Variants in C10orf90 observed in about 807,000 individuals in gnomAD.
The protein encoded by C10orf90 is (E2-independent) E3 ubiquitin-conjugating enzyme FATS.
C10orf90 carries 56 observed loss-of-function variants against 62.5 expected under a neutral mutation model. That is an observed-to-expected ratio of 0.90 (90% CI 0.72 to 1.12). C10orf90 has a LOEUF of 1.12. Ranked by LOEUF, C10orf90 falls within the 50% of genes most tolerant of loss-of-function variation. The pLI, the probability that C10orf90 is intolerant of heterozygous loss-of-function variation, is 0.00. For synonymous variants in C10orf90, 386 were observed against 340.4 expected (o/e 1.13, Z -1.47); for missense variants, 970 against 880.4 (o/e 1.10, Z -1.29).
rs375796318 is a variant in C10orf90, at chr10:126,459,072, T to C, written c.2156A>G (p.Lys719Arg). The C allele has an allele frequency of 1.2e-5, 20 of 1,613,558 alleles. No homozygotes were observed. In the African/African-American group the frequency reaches 2.5e-4, roughly 20 times the overall value. Residue 719 changes from lysine (K) to arginine (R), a missense_variant, in exon 7 of 10, where the codon AAG becomes AGG. Coordinates refer to ENST00000488181, the MANE Select transcript of C10orf90 (RefSeq NM_001350921.2). ...AGGATGGGGAATCGTGAACTGCTTCTTGCTGGTGCGGATGGGAAGGAGGCT... is the reference window on the plus strand; with the variant it reads ...AGGATGGGGAATCGTGAACTGCTTCCTGCTGGTGCGGATGGGAAGGAGGCT... The part of the protein sequence containing the change: ...KQSLLPIRTS[K>R]KQFTIPHPLS...
chr10:126,427,798 A>G (rs1029188298), intron 8 of C10orf90, among the ~76,000 whole-genome samples: 1 of 152,298 alleles, frequency 6.6e-6, no homozygotes. Flanking sequence ...GGACTGAGCC[A>G]CTACTGGCTT....
Position 126,446,348 on chromosome 10 carries a change from A to C in C10orf90, c.2188+12692T>G, listed in dbSNP as rs1303189873. Among the ~76,000 whole-genome samples, 4 of 152,274 alleles carry C rather than the reference A, an allele frequency of 2.6e-5. No individual in the cohort carries two copies. In the East Asian group the frequency reaches 7.7e-4, roughly 29 times the overall value. ...AGACATATCATAATCAAACTGTCAC[A>C]AATCAAAGACAAAGAGAGAATCTTA... On this transcript the variant is annotated intron_variant, in intron 7 of 9. Coordinates refer to ENST00000488181, the MANE Select transcript of C10orf90 (RefSeq NM_001350921.2).
In C10orf90 at chr10:126,433,234, C is replaced by T. The variant is rs1017499729; in HGVS notation, c.2189-3384G>A. On this transcript the variant is annotated intron_variant, in intron 7 of 9. Transcript: ENST00000488181. ...AAGTTTTTATCTCCTTGGTGCTAAGCGATAGGGACATGAAGATAAATAAAA... is the reference window on the plus strand; with the variant it reads ...AAGTTTTTATCTCCTTGGTGCTAAGTGATAGGGACATGAAGATAAATAAAA... 3.6e-4 allele frequency among the ~76,000 whole-genome samples: 54 copies of T among 151,964 alleles called. 1 individual carries two copies. Among genetic ancestry groups the T allele is most frequent in the Admixed American group, 3.4e-3 (52 of 15,256 alleles).
chr10:126,429,184 C>T (rs1857430205), intron 8 of C10orf90, among the ~76,000 whole-genome samples: 1 of 152,102 alleles, frequency 6.6e-6, no homozygotes. Flanking sequence ...GAAAGAATGG[C>T]AGCCTTTGTG....
intron 2 of C10orf90, among the ~76,000 whole-genome samples, chr10:126,546,268 C>T (rs1864489593): frequency 6.6e-6 from 1 of 152,216 alleles, no homozygotes; most frequent in Admixed American, 6.5e-5. Flanking sequence ...CAGCATGCCT[C>T]CACACTTGTG....
At chr10:126,461,690 A>G in intron 5 of C10orf90, 105 bp from the exon 6 acceptor site, 1 of 1,157,272 alleles carries the variant, frequency 8.6e-7, no homozygotes, top group Admixed American at 2.7e-5. Context: ...TAGAAACGCC[A>G]GTGGACTATT....
intron 4 of C10orf90, among the ~76,000 whole-genome samples, chr10:126,475,359 G>A (rs1860801805): frequency 6.6e-6 from 1 of 152,120 alleles, no homozygotes; most frequent in African/African-American, 2.4e-5. Flanking sequence ...TTAAGCCCCA[G>A]GATGGTCCAC....
intron 3 of C10orf90, among the ~76,000 whole-genome samples, chr10:126,513,561 G>A (rs752898926): frequency 2.6e-5 from 4 of 152,174 alleles, no homozygotes; most frequent in Non-Finnish European, 5.9e-5. Context: ...TCTTCAAAAT[G>A]CTGTATGGCA....
intron 2 of C10orf90, among the ~76,000 whole-genome samples, chr10:126,592,144 T>C (rs900343002): frequency 6.6e-6 from 1 of 152,198 alleles, no homozygotes; most frequent in South Asian, 2.1e-4. Context: ...ATAGATTCAA[T>C]GCTATTCCCA....
intron 4 of C10orf90, among the ~76,000 whole-genome samples, chr10:126,485,817 G>A (rs2133817830): frequency 6.6e-6 from 1 of 151,890 alleles, no homozygotes; most frequent in East Asian, 1.9e-4. Context: ...CGTCGTGGTG[G>A]GCACCTGTAG....
chr10:126,634,434 A>T lies in C10orf90; in HGVS notation c.313+12131T>A, dbSNP rs77085957. On this transcript the variant is annotated intron_variant, in intron 2 of 9. Coordinates refer to ENST00000488181, the MANE Select transcript of C10orf90 (RefSeq NM_001350921.2). ...TAAAATAGCAGAATTCATAGAGTCA[A>T]AAAACAGTGGTTACCAGAGCTGGAA... Among the ~76,000 whole-genome samples, 509 of 152,344 alleles carry T rather than the reference A, an allele frequency of 3.3e-3. 2 individuals carry two copies. The highest frequency in any genetic ancestry group is 0.012 in the African/African-American group (497 of 41,584).
chr10:126,653,416 C>T (rs1304508079), intron 1 of C10orf90, among the ~76,000 whole-genome samples: 1 of 152,248 alleles, frequency 6.6e-6, no homozygotes, highest in Admixed American at 6.5e-5. Flanking sequence ...ACAGAATCTT[C>T]ACCAGGAATA....
intron 2 of C10orf90, among the ~76,000 whole-genome samples, chr10:126,531,323 A>G (rs1864089920): frequency 6.6e-6 from 1 of 152,094 alleles, no homozygotes; most frequent in Non-Finnish European, 1.5e-5. Context: ...TTTGTGGGAG[A>G]ATGCAACTGG....
chr10:126,596,274 G>A (rs1239517609), intron 2 of C10orf90, among the ~76,000 whole-genome samples: 1 of 151,734 alleles, frequency 6.6e-6, no homozygotes, highest in Non-Finnish European at 1.5e-5. Context: ...CCGCACTCCA[G>A]CCTGGGTGAC....
At chr10:126,600,548 C>T (rs1845179382) in intron 2 of C10orf90, among the ~76,000 whole-genome samples, 1 of 152,126 alleles carries the variant, frequency 6.6e-6, no homozygotes. Flanking sequence ...CAGGAGACAC[C>T]AAGCAGGGAT....
chr10:126,608,729 G>A (rs1349714287), intron 2 of C10orf90, among the ~76,000 whole-genome samples: 1 of 152,182 alleles, frequency 6.6e-6, no homozygotes, highest in African/African-American at 2.4e-5. Context: ...GTGTAGAAAT[G>A]TAAAACAATG....
At chr10:126,475,965 T>C (rs1349753542) in intron 4 of C10orf90, among the ~76,000 whole-genome samples, 1 of 152,170 alleles carries the variant, frequency 6.6e-6, no homozygotes, top group Non-Finnish European at 1.5e-5. Flanking sequence ...CTTTGTGGGC[T>C]GGGGCCAGGA....
chr10:126,663,911 T>C (rs1482251034), intron 1 of C10orf90, among the ~76,000 whole-genome samples: 1 of 152,180 alleles, frequency 6.6e-6, no homozygotes, highest in Non-Finnish European at 1.5e-5. Context: ...TTCCATAAGA[T>C]GGTAAAACCC....
At chr10:126,498,549 C>G (rs760580587) in intron 4 of C10orf90, among the ~76,000 whole-genome samples, 1 of 152,118 alleles carries the variant, frequency 6.6e-6, no homozygotes, top group African/African-American at 2.4e-5. Context: ...GAGCGGAAAA[C>G]GCAGACTGAA....
Sources: gnomAD v4.1 joint callset for allele counts (sites outside exome capture counted in the v4.1 genomes callset) on GRCh38, gnomAD v4.1.1 for gene constraint, MANE v1.5 for transcripts, NCBI Gene and HGNC (gene_info 2026-07-23, HGNC 2026-07-21) for gene names.